The following SLC9A7 variants were observed in gnomAD, a reference collection of about 807,000 sequenced individuals.
The protein encoded by SLC9A7 is solute carrier family 9 member A7.
In SLC9A7, 19 loss-of-function variants were observed where a neutral mutation model predicts 52.6. That is an observed-to-expected ratio of 0.36 (90% CI 0.25 to 0.53). SLC9A7 has a LOEUF of 0.53. SLC9A7 is among the 20% of genes least tolerant of loss of function. The pLI is 0.91. For synonymous variants in SLC9A7, 226 were observed against 252.1 expected (o/e 0.90, Z 0.98); for missense variants, 455 against 597.9 (o/e 0.76, Z 2.49).
chrX:46,682,741 G>C (rs753943505), intron 1 of SLC9A7, among the ~76,000 whole-genome samples: 2 of 110,655 alleles, frequency 1.8e-5, no homozygotes, highest in Non-Finnish European at 3.8e-5. Context: ...TAAGTTGCTC[G>C]GCCACCAGGA....
chrX:46,634,103 T>C (rs979294273), intron 13 of SLC9A7, among the ~76,000 whole-genome samples: 5 of 112,151 alleles, frequency 4.5e-5, no homozygotes, highest in Admixed American at 9.4e-5. Flanking sequence ...ACGCTTTTGA[T>C]CCAGGACACT....
chrX:46,699,001 C>T (rs775023578), intron 1 of SLC9A7, among the ~76,000 whole-genome samples: 1 of 111,750 alleles, frequency 8.9e-6, no homozygotes, highest in Non-Finnish European at 1.9e-5. Flanking sequence ...AAAGTTCTAT[C>T]TCATCCCCTT....
At chrX:46,720,324 T>C (rs1414261462) in intron 1 of SLC9A7, among the ~76,000 whole-genome samples, 3 of 111,042 alleles carry the variant, frequency 2.7e-5, no homozygotes, top group Non-Finnish European at 3.8e-5. Context: ...TATCCTGTCC[T>C]TTCCCACTCC....
At position 46,606,858 on chromosome X, in the gene SLC9A7, C is replaced by G; in HGVS notation, c.*94G>C. On this transcript the variant is annotated 3_prime_UTR_variant, in exon 17 of 17. Transcript: ENST00000616978. ...AATAAAATAGAAGAGTTAGTTCAATCTAGTCACTGCCCCACCTCCAACAAC... is the reference window on the plus strand; with the variant it reads ...AATAAAATAGAAGAGTTAGTTCAATGTAGTCACTGCCCCACCTCCAACAAC... The G allele has an allele frequency of 8.5e-7, 1 of 1,179,579 alleles. No individual in the cohort carries two copies. The highest frequency in any genetic ancestry group is 2.9e-4 in the Middle Eastern group (1 of 3,454).
chrX:46,626,077 C>G (rs1943123835), intron 14 of SLC9A7, among the ~76,000 whole-genome samples: 2 of 111,542 alleles, frequency 1.8e-5, no homozygotes, highest in Admixed American at 9.5e-5. Context: ...GAGGCCAAGA[C>G]AGGCAGATCA....
intron 1 of SLC9A7, among the ~76,000 whole-genome samples, chrX:46,746,891 A>T (rs772485130): frequency 1.4e-4 from 16 of 112,718 alleles, no homozygotes; most frequent in African/African-American, 5.2e-4. Context: ...GAATCAACCT[A>T]AGTGCCCATT....
intron 5 of SLC9A7, among the ~76,000 whole-genome samples, chrX:46,663,638 C>CAAA (rs1315683837): frequency 8.1e-5 from 2 of 24,593 alleles, no homozygotes; most frequent in Non-Finnish European, 1.3e-4. Flanking sequence ...AACTCCATCT[C>CAAA]AAAAAAAAAA....
At chrX:46,688,637 G>A (rs1000756005) in intron 1 of SLC9A7, among the ~76,000 whole-genome samples, 61 of 109,983 alleles carry the variant, frequency 5.5e-4, no homozygotes, top group Non-Finnish European at 1.1e-3. Flanking sequence ...TTGTTTACAG[G>A]CACAGCAGCA....
At chrX:46,630,907 G>A (rs772830824) in intron 14 of SLC9A7, among the ~76,000 whole-genome samples, 71 of 112,421 alleles carry the variant, frequency 6.3e-4, no homozygotes, top group African/African-American at 2.2e-3. Context: ...CATCACATAA[G>A]AAATCCAACT....
At chrX:46,750,911 A>G (rs1282539686) in intron 1 of SLC9A7, among the ~76,000 whole-genome samples, 1 of 112,366 alleles carries the variant, frequency 8.9e-6, no homozygotes, top group Non-Finnish European at 1.9e-5. Flanking sequence ...CACAAATCAC[A>G]TGCAAATCCT....
At chrX:46,701,803 A>G (rs1055872856) in intron 1 of SLC9A7, among the ~76,000 whole-genome samples, 2 of 111,037 alleles carry the variant, frequency 1.8e-5, no homozygotes, top group Non-Finnish European at 3.8e-5. Context: ...TAAGCTACAT[A>G]TACTATTTTG....
intron 1 of SLC9A7, among the ~76,000 whole-genome samples, chrX:46,737,767 C>T (rs908535911): frequency 5.4e-5 from 6 of 111,167 alleles, no homozygotes; most frequent in African/African-American, 2.0e-4. Context: ...TGGCTCATGC[C>T]CGTAATTCCA....
At chrX:46,630,534 A>G (rs928994076) in intron 14 of SLC9A7, among the ~76,000 whole-genome samples, 13 of 111,883 alleles carry the variant, frequency 1.2e-4, no homozygotes, top group Non-Finnish European at 2.3e-4. Context: ...TTGACTCCCA[A>G]GGTCAAATAA....
intron 5 of SLC9A7, among the ~76,000 whole-genome samples, chrX:46,666,601 A>C (rs1943925836): frequency 8.9e-6 from 1 of 112,478 alleles, no homozygotes; most frequent in Non-Finnish European, 1.9e-5. Flanking sequence ...TTACTGTGCC[A>C]GTCTTCATAG....
chrX:46,756,404 C>A lies in SLC9A7; in HGVS notation c.325+2301G>T, dbSNP rs150214049. Among the ~76,000 whole-genome samples, 104 of 112,295 alleles carry A rather than the reference C, an allele frequency of 9.3e-4. 4 individuals carry two copies. In the East Asian group the frequency reaches 0.014, roughly 15 times the overall value. On this transcript the variant is annotated intron_variant, in intron 1 of 16. Transcript: ENST00000616978. The stretch of plus-strand genomic sequence containing the variant: ...ATTTGCTTGACAGTAGTAATCATTT[C>A]ATTGTGTTTATCAAAACATCATGTT...
intron 1 of SLC9A7, among the ~76,000 whole-genome samples, chrX:46,741,168 T>G (rs955157328): frequency 3.6e-5 from 4 of 111,994 alleles, no homozygotes; most frequent in African/African-American, 1.3e-4. Flanking sequence ...ATAATGATCA[T>G]GGATCAGAAA....
chrX:46,744,699 C>G (rs186185457), intron 1 of SLC9A7, among the ~76,000 whole-genome samples: 1 of 111,845 alleles, frequency 8.9e-6, no homozygotes, highest in Non-Finnish European at 1.9e-5. Flanking sequence ...AAACATAGCG[C>G]TTAACACTGT....
chrX:46,672,662 C>A (rs1944043772), intron 3 of SLC9A7, 35 bp from the exon 4 acceptor site: 2 of 1,036,634 alleles, frequency 1.9e-6, no homozygotes, highest in Admixed American at 2.3e-5. Flanking sequence ...CCAGGAATCA[C>A]ATTGTGATTT....
In SLC9A7 at chrX:46,651,360, T is replaced by C; in HGVS notation, c.1192A>G (p.Thr398Ala). 8.3e-7 allele frequency: 1 copy of C among 1,207,153 alleles called. No individual in the cohort carries two copies. Among genetic ancestry groups the C allele is most frequent in the Non-Finnish European group, 1.1e-6 (1 of 893,746 alleles). ...GATTCCACCGACAGATTGTTGTAGGTGTAATGAGCTTGTGTGATTCCACAG... is the reference window on the plus strand; with the variant it reads ...GATTCCACCGACAGATTGTTGTAGGCGTAATGAGCTTGTGTGATTCCACAG... The part of the protein sequence containing the change: ...LFCGITQAHY[T>A]YNNLSVESRS... The change falls in exon 9 of 17, where the codon ACC (threonine) becomes GCC (alanine). Residue 398 changes from threonine to alanine, a missense_variant. Coordinates refer to ENST00000616978, the MANE Select transcript of SLC9A7 (RefSeq NM_001257291.2).
Sources: allele counts gnomAD v4.1 joint callset (sites outside exome capture counted in the v4.1 genomes callset), GRCh38; gene constraint gnomAD v4.1.1; transcripts MANE v1.5; gene names NCBI Gene and HGNC (gene_info 2026-07-23, HGNC 2026-07-21).